Variants in ATIC observed in about 807,000 individuals in gnomAD.
ATIC encodes the protein bifunctional purine biosynthesis protein ATIC.
Under a neutral mutation model 72.5 loss-of-function variants are expected in ATIC, and 64 were observed. The ratio of observed to expected loss-of-function variants is 0.88; its 90% CI spans 0.72 to 1.09. ATIC has a LOEUF of 1.09. Ranked by LOEUF, ATIC falls within the 50% of genes least tolerant of loss-of-function variation. The pLI is 0.00. For synonymous variants in ATIC, 281 were observed against 267.1 expected (o/e 1.05, Z -0.51); for missense variants, 787 against 732.4 (o/e 1.07, Z -0.86).
At chr2:215,320,038 A>AT (rs1414186920) in intron 4 of ATIC, among the ~76,000 whole-genome samples, 1 of 152,192 alleles carries the variant, frequency 6.6e-6, no homozygotes. Flanking sequence ...TGCAGGTAAC[A>AT]TGCCAGTTGA....
chr2:215,315,168 G>C (rs1284472233), intron 2 of ATIC, among the ~76,000 whole-genome samples: 1 of 152,196 alleles, frequency 6.6e-6, no homozygotes, highest in Admixed American at 6.5e-5. Context: ...GCAAGGAGAT[G>C]AGAGGATTTC....
At chr2:215,329,419 G>A (rs1169278252) in intron 7 of ATIC, among the ~76,000 whole-genome samples, 3 of 152,134 alleles carry the variant, frequency 2.0e-5, no homozygotes, top group Non-Finnish European at 2.9e-5. Flanking sequence ...GTAAATAAGC[G>A]TTTCTTGTGC....
chr2:215,352,756 AC>A (rs2053140363), downstream of ATIC, among the ~76,000 whole-genome samples: 1 of 84,680 alleles, frequency 1.2e-5, no homozygotes, highest in Non-Finnish European at 2.7e-5. Flanking sequence ...TGATTGTGCA[AC>A]CCAAGCCTGG....
intron 13 of ATIC, among the ~76,000 whole-genome samples, chr2:215,346,036 T>C (rs1057283908): frequency 6.6e-6 from 1 of 152,232 alleles, no homozygotes; most frequent in African/African-American, 2.4e-5. Context: ...TACTTTTAGC[T>C]ACCCATGTCA....
At chr2:215,325,149 C>A in intron 4 of ATIC, 92 bp from the exon 5 acceptor site, 1 of 898,700 alleles carries the variant, frequency 1.1e-6, no homozygotes, top group Non-Finnish European at 1.9e-6. Flanking sequence ...CTTTTGTTTA[C>A]GTTAATAGTA....
chr2:215,333,148 G>A (rs886751206), intron 8 of ATIC, among the ~76,000 whole-genome samples: 2 of 152,168 alleles, frequency 1.3e-5, no homozygotes, highest in African/African-American at 2.4e-5. Flanking sequence ...TTGGAGGGCA[G>A]AGAGGAGATT....
At chr2:215,346,010 C>T (rs530889973) in intron 13 of ATIC, among the ~76,000 whole-genome samples, 15 of 152,250 alleles carry the variant, frequency 9.9e-5, no homozygotes, top group African/African-American at 3.1e-4. Flanking sequence ...ACATTTGTAC[C>T]TGGCGGAATT....
chr2:215,341,331 T>G (rs1263974040), intron 12 of ATIC, among the ~76,000 whole-genome samples: 1 of 152,172 alleles, frequency 6.6e-6, no homozygotes, highest in Non-Finnish European at 1.5e-5. Flanking sequence ...ATGTTGAGAA[T>G]TGTGCCTAGC....
Position 215,326,813 on chromosome 2 carries a change from T to A in ATIC, c.532-9T>A. ...TGCTCGTGTCTCACAAAACTTACGC[T>A]TTTTGTAGGCATTCACTCATACGGC... On this transcript the variant is annotated splice_polypyrimidine_tract_variant and intron_variant, in intron 6 of 15. Coordinates refer to ENST00000236959, the MANE Select transcript of ATIC (RefSeq NM_004044.7). 1 of 1,613,930 alleles carries A rather than the reference T, an allele frequency of 6.2e-7. No individual in the cohort carries two copies. Among genetic ancestry groups the A allele is most frequent in the Non-Finnish European group, 8.5e-7 (1 of 1,179,980 alleles).
In ATIC at chr2:215,326,073, A is replaced by G. The variant is rs2052821045; in HGVS notation, c.466A>G (p.Thr156Ala). The change falls in exon 6 of 16, where the codon ACG becomes GCG. Residue 156 changes from threonine (T) to alanine (A), a missense_variant. Physicochemically the swap from Thr to Ala is moderately conservative, Grantham distance 58 (BLOSUM62 0). Coordinates refer to ENST00000236959, the MANE Select transcript of ATIC (RefSeq NM_004044.7). ...ACCAGAGGACTATGTGGTGGTGTCC[A>G]CGGAGATGCAGAGCTCCGAGAGTAA... ...CEPEDYVVVS[T>A]EMQSSESKDT... 6.2e-7 allele frequency: 1 copy of G among 1,614,174 alleles called. No individual in the cohort carries two copies. The highest frequency in any genetic ancestry group is 8.5e-7 in the Non-Finnish European group (1 of 1,180,020).
At chr2:215,343,242 A>C (rs910153266) in intron 12 of ATIC, among the ~76,000 whole-genome samples, 1 of 151,340 alleles carries the variant, frequency 6.6e-6, no homozygotes, top group African/African-American at 2.4e-5. Context: ...GATGTTGAAC[A>C]TTTTTTTGTG....
intron 7 of ATIC, among the ~76,000 whole-genome samples, chr2:215,330,409 G>A (rs1480990599): frequency 6.6e-6 from 1 of 152,064 alleles, no homozygotes; most frequent in Non-Finnish European, 1.5e-5. Flanking sequence ...GGTGATTATA[G>A]GGAATTTCCA....
At chr2:215,329,253 A>C (rs1381895572) in intron 7 of ATIC, among the ~76,000 whole-genome samples, 1 of 152,216 alleles carries the variant, frequency 6.6e-6, no homozygotes, top group Non-Finnish European at 1.5e-5. Context: ...GAGACAAAAA[A>C]ATCCCCATGT....
chr2:215,316,031 A>G (rs1038996538), intron 2 of ATIC, among the ~76,000 whole-genome samples: 1 of 151,910 alleles, frequency 6.6e-6, no homozygotes, highest in Non-Finnish European at 1.5e-5. Flanking sequence ...CAATAATTTT[A>G]TCCCAGGAAG....
At chr2:215,368,018 C>T in the ATIC span, 7 of 1,614,114 alleles carry the variant, frequency 4.3e-6, no homozygotes, top group Non-Finnish European at 5.9e-6. Flanking sequence ...TTGGTTCAAG[C>T]CTTCGTTGAC....
chr2:215,340,890 G>T (rs944955970), intron 12 of ATIC, among the ~76,000 whole-genome samples: 1 of 152,158 alleles, frequency 6.6e-6, no homozygotes, highest in Non-Finnish European at 1.5e-5. Flanking sequence ...ATTTCTTACT[G>T]CTTCCATTTT....
chr2:215,344,488 C>T (rs2053051301), intron 12 of ATIC, among the ~76,000 whole-genome samples: 2 of 151,972 alleles, frequency 1.3e-5, no homozygotes, highest in Non-Finnish European at 2.9e-5. Flanking sequence ...CTCAGGAGTT[C>T]GAGACCAGCC....
chr2:215,326,414 G>T (rs1477070975), intron 6 of ATIC, among the ~76,000 whole-genome samples: 1 of 152,088 alleles, frequency 6.6e-6, no homozygotes, highest in South Asian at 2.1e-4. Context: ...AGACCAGCCT[G>T]GCCAATGTGG....
the ATIC span, chr2:215,360,973 T>G: frequency 6.5e-6 from 1 of 154,996 alleles, no homozygotes; most frequent in Non-Finnish European, 1.4e-5. Flanking sequence ...ATTCCTCTTA[T>G]CAACTGCATA....
Sources: gnomAD v4.1 joint callset for allele counts (sites outside exome capture counted in the v4.1 genomes callset) on GRCh38, gnomAD v4.1.1 for gene constraint, MANE v1.5 for transcripts, NCBI Gene and HGNC (gene_info 2026-07-23, HGNC 2026-07-21) for gene names.